AP1M1: variants seen among roughly 807,000 people sequenced by gnomAD.
AP1M1 encodes the protein adaptor related protein complex 1 subunit mu 1, also known as AP-1 complex subunit mu-1.
AP1M1 carries 18 observed loss-of-function variants against 57.1 expected under a neutral mutation model. The observed-to-expected ratio is 0.32, with a 90% CI of 0.22 to 0.47. AP1M1 has a LOEUF of 0.47. AP1M1 is among the 20% of genes least tolerant of loss of function. The probability of loss-of-function intolerance (pLI) is 1.00; values close to 1 mark genes in which losing one functional copy is unlikely to be tolerated. For synonymous variants in AP1M1, 241 were observed against 237.9 expected, an observed-to-expected ratio of 1.01 and a Z score of -0.12; for missense variants, 362 against 593.5, an observed-to-expected ratio of 0.61 and a Z score of 4.05.
chr19:16,207,694 G>C lies in AP1M1; in HGVS notation c.268-325G>C, dbSNP rs2091475061. Among the ~76,000 whole-genome samples, 3 of 152,154 alleles carry C rather than the reference G, an allele frequency of 2.0e-5. No homozygotes were observed. The highest frequency in any genetic ancestry group is 2.0e-4 in the Admixed American group (3 of 15,274). ...TCAGGTCCTTGCCTGAGTCACTCCA[G>C]ACTCAGAAAGGGATGACAGTTACAG... On this transcript the variant is annotated intron_variant, in intron 3 of 11. Transcript: ENST00000291439. The surrounding 1 kb of genome is among the most constrained non-coding windows in gnomAD (Gnocchi z 4.2).
rs375678399 is a variant in AP1M1, at chr19:16,234,298, G to C, written c.1249+24G>C. ...AGGTGAGTGAGGCCCTACCCGTGGG[G>C]TGGGGTTGTACTGAGGGGTCCTCTG... On this transcript the variant is annotated intron_variant, in intron 11 of 11. Transcript: ENST00000291439. 2.2e-5 allele frequency: 36 copies of C among 1,613,452 alleles called. No individual in the cohort carries two copies. In the African/African-American group the frequency reaches 4.4e-4, roughly 20 times the overall value.
At chr19:16,204,443 G>GA (rs2091461444) in intron 2 of AP1M1, among the ~76,000 whole-genome samples, 1 of 152,182 alleles carries the variant, frequency 6.6e-6, no homozygotes, top group Non-Finnish European at 1.5e-5. Flanking sequence ...AGCCATGGGG[G>GA]ATCCCTCACC....
intron 1 of AP1M1, among the ~76,000 whole-genome samples, chr19:16,202,481 G>A (rs531793467): frequency 9.2e-5 from 14 of 152,200 alleles, no homozygotes; most frequent in South Asian, 2.1e-4. Context: ...ACATTCCATC[G>A]CCCCCGAAAG....
intron 5 of AP1M1, among the ~76,000 whole-genome samples, chr19:16,218,728 TTAGGGTTC>T (rs2091529500): frequency 6.6e-6 from 1 of 152,174 alleles, no homozygotes; most frequent in South Asian, 2.1e-4. Flanking sequence ...CAGCTTCAAA[TTAGGGTTC>T]TCACAAACCC....
intron 2 of AP1M1, among the ~76,000 whole-genome samples, chr19:16,205,569 C>T (rs2091466079): frequency 6.6e-6 from 1 of 152,118 alleles, no homozygotes; most frequent in South Asian, 2.1e-4. Context: ...CACTCCTGGG[C>T]AGACGAGCCA....
rs1491046802 is a variant in AP1M1 at position 16,219,396 on chromosome 19, TTG to T, written c.547-7023_547-7022del. On this transcript the variant is annotated intron_variant, in intron 5 of 11. Coordinates refer to ENST00000291439, the MANE Select transcript of AP1M1 (RefSeq NM_032493.4). The stretch of plus-strand genomic sequence containing the variant: ...AAACGTGAAATTCATTTTTGTTTTT[TTG>T]TTTTTTTTTTTTTTTTGAGATGGAA... 3.3e-3 allele frequency among the ~76,000 whole-genome samples: 270 copies of T among 83,076 alleles called. 1 individual carries two copies. Among genetic ancestry groups the T allele is most frequent in the Non-Finnish European group, 8.0e-3 (222 of 27,688 alleles). The allele number at this position is 83,076 out of a possible 152,430, so 54.5% of individuals were successfully genotyped here. A position where few individuals can be genotyped will look rare whatever the true frequency, so the allele number is the denominator to read the frequency against.
intron 5 of AP1M1, among the ~76,000 whole-genome samples, chr19:16,216,408 G>T (rs1007369601): frequency 2.0e-5 from 3 of 151,230 alleles, no homozygotes; most frequent in African/African-American, 7.3e-5. Context: ...TTGCACCACT[G>T]CCCTCCAGCC....
chr19:16,226,287 A>T, intron 5 of AP1M1, 134 bp from the exon 6 acceptor site: 1 of 1,274,722 alleles, frequency 7.8e-7, no homozygotes. Context: ...AGCTCAGGGG[A>T]TGCCCAGGAG....
chr19:16,233,942 T>C, intron 10 of AP1M1: 2 of 551,920 alleles, frequency 3.6e-6, no homozygotes, highest in Non-Finnish European at 6.3e-6. Flanking sequence ...AGGGGCCTTC[T>C]GGCCGGGCCC....
At chr19:16,220,213 G>C (rs1568352465) in intron 5 of AP1M1, among the ~76,000 whole-genome samples, 1 of 152,040 alleles carries the variant, frequency 6.6e-6, no homozygotes, top group Non-Finnish European at 1.5e-5. Context: ...TCAAAAAAAA[G>C]TGTTTTCTTG....
chr19:16,217,267 T>C (rs2091522892), intron 5 of AP1M1, among the ~76,000 whole-genome samples: 1 of 151,894 alleles, frequency 6.6e-6, no homozygotes, highest in Non-Finnish European at 1.5e-5. Flanking sequence ...GGCTCTATGC[T>C]GCCAACACTC....
Position 16,206,260 on chromosome 19 carries a change from TA to T in AP1M1, c.200-80del. The T allele has an allele frequency of 6.9e-7, 1 of 1,445,480 alleles. No homozygotes were observed. Among genetic ancestry groups the T allele is most frequent in the Non-Finnish European group, 9.7e-7 (1 of 1,031,144 alleles). 89.5% of individuals were successfully genotyped at this position (1,445,480 alleles called of 1,614,324 possible). On this transcript the variant is annotated intron_variant, in intron 2 of 11. Transcript: ENST00000291439. The surrounding 1 kb of genome is among the most constrained non-coding windows in gnomAD (Gnocchi z 4.3). ...GGAAGGCTCTGAGGGTTGTGAGGGTTAGGGGGTCCCTCCATGAACCAGGATC... is the reference window on the plus strand; with the variant it reads ...GGAAGGCTCTGAGGGTTGTGAGGGTTGGGGGTCCCTCCATGAACCAGGATC...
rs774356288 is a variant in AP1M1 at position 16,203,896 on chromosome 19, T to A, written c.199+281T>A. Among the ~76,000 whole-genome samples the A allele has an allele frequency of 3.9e-5, 6 of 152,134 alleles. No individual in the cohort carries two copies. The highest frequency in any genetic ancestry group is 7.2e-5 in the African/African-American group (3 of 41,422). ...GAGGAAGCCTGCAGGGAGGCCTGGC[T>A]TCTGCCAGCTGGAGGGGTGGGCAGG... On this transcript the variant is annotated intron_variant, in intron 2 of 11. Transcript: ENST00000291439. The surrounding 1 kb of genome is among the most constrained non-coding windows in gnomAD (Gnocchi z 4.6).
chr19:16,198,866 G>C (rs2091435978), intron 1 of AP1M1, among the ~76,000 whole-genome samples: 1 of 151,960 alleles, frequency 6.6e-6, no homozygotes, highest in South Asian at 2.1e-4. Flanking sequence ...GGAGTGTAGT[G>C]GTGCAATCTC....
intron 9 of AP1M1, 119 bp from the exon 10 acceptor site, chr19:16,233,374 T>A (rs2091607291): frequency 1.5e-6 from 2 of 1,371,766 alleles, no homozygotes; most frequent in South Asian, 3.2e-5. Flanking sequence ...CAGGGGCTCA[T>A]GCTCCCCTCC....
At position 16,238,795 on chromosome 19, in the gene AP1M1, C is replaced by G. The variant is rs1228741083; in HGVS notation, c.*4360C>G. On this transcript the variant is annotated 3_prime_UTR_variant, in exon 12 of 12. Coordinates refer to ENST00000291439, the MANE Select transcript of AP1M1 (RefSeq NM_032493.4). ...AGTGCAGTGGCATGGTCACGGCTCA[C>G]TGCAGCTTCAAACTCCTGGGCTCAA... is the stretch of plus-strand genomic sequence containing the variant. 6.6e-6 allele frequency: 1 copy of G among 150,822 alleles called. No individual in the cohort carries two copies. Among genetic ancestry groups the G allele is most frequent in the Non-Finnish European group, 1.5e-5 (1 of 67,946 alleles). 9.3% of individuals were successfully genotyped at this position (150,822 alleles called of 1,614,324 possible). A position where few individuals can be genotyped will look rare whatever the true frequency, so the allele number is the denominator to read the frequency against.
intron 1 of AP1M1, among the ~76,000 whole-genome samples, chr19:16,200,333 G>T (rs1205841298): frequency 6.6e-6 from 1 of 152,214 alleles, no homozygotes; most frequent in Non-Finnish European, 1.5e-5. Flanking sequence ...ATGTGGAAAA[G>T]AGGTGTTGCA....
At chr19:16,212,300 GA>G (rs1326128979) in intron 5 of AP1M1, among the ~76,000 whole-genome samples, 1 of 152,220 alleles carries the variant, frequency 6.6e-6, no homozygotes, top group African/African-American at 2.4e-5. Flanking sequence ...TCTGTTCAGG[GA>G]TTCAGTTTCT....
chr19:16,218,135 G>T (rs1209713213), intron 5 of AP1M1, among the ~76,000 whole-genome samples: 3 of 152,244 alleles, frequency 2.0e-5, no homozygotes, highest in Non-Finnish European at 2.9e-5. Flanking sequence ...CTGCAGAGCT[G>T]CCTCTGAGCT....
Sources: allele counts gnomAD v4.1 joint callset (sites outside exome capture counted in the v4.1 genomes callset), GRCh38; gene constraint gnomAD v4.1.1; non-coding constraint Gnocchi (gnomAD v3.1); transcripts MANE v1.5; gene names NCBI Gene and HGNC (gene_info 2026-07-23, HGNC 2026-07-21).